Variants in PEBP4 observed in about 807,000 individuals in gnomAD.
PEBP4 encodes the protein phosphatidylethanolamine-binding protein 4.
A neutral mutation model predicts 23.9 loss-of-function variants in PEBP4; 22 were observed. The ratio of observed to expected loss-of-function variants is 0.92; its 90% confidence interval spans 0.66 to 1.31. PEBP4 has a LOEUF of 1.31. PEBP4 is among the 40% of genes most tolerant of loss of function. The probability of loss-of-function intolerance (pLI) is 0.00; values close to 1 mark genes in which losing one functional copy is unlikely to be tolerated. For missense variants in PEBP4, 324 were observed against 281.7 expected (o/e 1.15, Z -1.07); for synonymous variants, 112 against 99.3 (o/e 1.13, Z -0.76).
intron 4 of PEBP4, among the ~76,000 whole-genome samples, chr8:22,779,847 C>A (rs909275888): frequency 6.6e-6 from 1 of 152,144 alleles, no homozygotes; most frequent in African/African-American, 2.4e-5. Context: ...ATCACATGGG[C>A]GACTTAGCTT....
At chr8:22,911,420 G>A (rs1198468720) in intron 3 of PEBP4, among the ~76,000 whole-genome samples, 1 of 152,130 alleles carries the variant, frequency 6.6e-6, no homozygotes, top group Non-Finnish European at 1.5e-5. Flanking sequence ...GGACTGCAGT[G>A]GGCACCTCCT....
intron 4 of PEBP4, among the ~76,000 whole-genome samples, chr8:22,772,493 CT>C (rs34489811): frequency 0.2 from 24,014 of 121,276 alleles, 2,255 homozygotes; most frequent in East Asian, 0.31. Flanking sequence ...CTCTCTCTCT[CT>C]TTTTTTTTTT....
At chr8:22,807,126 T>C (rs1806512036) in intron 4 of PEBP4, among the ~76,000 whole-genome samples, 1 of 152,206 alleles carries the variant, frequency 6.6e-6, no homozygotes, top group African/African-American at 2.4e-5. Flanking sequence ...TGATTGCAAA[T>C]CTAAGCTCTT....
intron 2 of PEBP4, chr8:22,925,316 C>T (rs1005830168): frequency 3.0e-6 from 3 of 985,218 alleles, no homozygotes; most frequent in Admixed American, 6.2e-5. Flanking sequence ...CCCCTTGACT[C>T]GAGTCTGGGA....
intron 4 of PEBP4, among the ~76,000 whole-genome samples, chr8:22,765,116 T>TCTTTCTTCCTTCCTTCCTTCCTTCCTTC (rs1554483037): frequency 6.9e-6 from 1 of 144,898 alleles, no homozygotes; most frequent in Non-Finnish European, 1.5e-5. Context: ...TTCCTTTATT[T>TCTTTCTTCCTTCCTTCCTTCCTTCCTTC]CTTCCTTCCT....
chr8:22,884,506 C>T (rs999596528), intron 3 of PEBP4: 2 of 152,172 alleles, frequency 1.3e-5, no homozygotes, highest in Admixed American at 6.5e-5. Context: ...AAGTGCAGAT[C>T]GTGACTTAAG....
At chr8:22,885,990 A>G (rs1348350123) in intron 3 of PEBP4, 2 of 152,184 alleles carry the variant, frequency 1.3e-5, no homozygotes, top group South Asian at 2.1e-4. Flanking sequence ...TGTGACTAAC[A>G]TGGAATTACG....
At chr8:22,834,184 T>C (rs1807151182) in intron 3 of PEBP4, among the ~76,000 whole-genome samples, 1 of 152,350 alleles carries the variant, frequency 6.6e-6, no homozygotes, top group East Asian at 1.9e-4. Context: ...TTGGTTGCCA[T>C]ACAAATTTAG....
intron 3 of PEBP4, among the ~76,000 whole-genome samples, chr8:22,855,215 T>C (rs1257857971): frequency 6.6e-6 from 1 of 152,174 alleles, no homozygotes; most frequent in Admixed American, 6.5e-5. Flanking sequence ...TGTAATTGCC[T>C]GGGTGACCTG....
At chr8:22,830,675 G>T (rs991066393) in intron 3 of PEBP4, among the ~76,000 whole-genome samples, 1 of 151,964 alleles carries the variant, frequency 6.6e-6, no homozygotes, top group Admixed American at 6.6e-5. Context: ...ACTAGAAACC[G>T]GGGCACCATC....
chr8:22,752,587 G>T (rs1260670160), intron 4 of PEBP4, among the ~76,000 whole-genome samples: 1 of 152,168 alleles, frequency 6.6e-6, no homozygotes, highest in Non-Finnish European at 1.5e-5. Flanking sequence ...GGGTGAACTA[G>T]AAATGCTCCT....
intron 3 of PEBP4, among the ~76,000 whole-genome samples, chr8:22,919,900 G>C (rs1043397158): frequency 2.0e-5 from 3 of 152,166 alleles, no homozygotes; most frequent in Admixed American, 1.3e-4. Flanking sequence ...CCAGATCTCA[G>C]GGGCAGCCAA....
chr8:22,907,582 T>A (rs1342338696), intron 3 of PEBP4, among the ~76,000 whole-genome samples: 1 of 151,816 alleles, frequency 6.6e-6, no homozygotes, highest in Non-Finnish European at 1.5e-5. Context: ...AGGGAGCCAA[T>A]GAGAAGTTAG....
chr8:22,760,081 G>A (rs1222756526), intron 4 of PEBP4, among the ~76,000 whole-genome samples: 2 of 152,148 alleles, frequency 1.3e-5, no homozygotes, highest in African/African-American at 4.8e-5. Context: ...TATTTTCAGG[G>A]ACAAACATCG....
At chr8:22,871,842 G>A (rs149731739) in intron 3 of PEBP4, among the ~76,000 whole-genome samples, 20 of 152,052 alleles carry the variant, frequency 1.3e-4, no homozygotes, top group African/African-American at 4.6e-4. Flanking sequence ...GTGAGCCACC[G>A]CGCCTGCCCT....
intron 2 of PEBP4, among the ~76,000 whole-genome samples, chr8:22,922,585 C>CAA (rs397961257): frequency 0.016 from 1,952 of 122,342 alleles, 48 homozygotes; most frequent in African/African-American, 0.05. Context: ...AACAAACAAA[C>CAA]AAAAAAAAAA....
chr8:22,875,180 A>C (rs1323727243), intron 3 of PEBP4, among the ~76,000 whole-genome samples: 1 of 151,768 alleles, frequency 6.6e-6, no homozygotes, highest in Non-Finnish European at 1.5e-5. Flanking sequence ...CAGGTGCCTG[A>C]TGAGTTGCAA....
chr8:22,750,658 T>G (rs961367952), intron 4 of PEBP4, among the ~76,000 whole-genome samples: 2 of 152,110 alleles, frequency 1.3e-5, no homozygotes, highest in Admixed American at 6.5e-5. Flanking sequence ...ATTCTCATCC[T>G]TGTGATTGCA....
At chr8:22,784,683 AATT>A (rs1805993745) in intron 4 of PEBP4, among the ~76,000 whole-genome samples, 2 of 152,216 alleles carry the variant, frequency 1.3e-5, no homozygotes. Flanking sequence ...CGCCTTATTG[AATT>A]GTGACAAGTT....
Sources: allele counts gnomAD v4.1 joint callset (sites outside exome capture counted in the v4.1 genomes callset), GRCh38; gene constraint gnomAD v4.1.1; transcripts MANE v1.5; gene names NCBI Gene and HGNC (gene_info 2026-07-23, HGNC 2026-07-21).